The following CSMD1 variants were observed in gnomAD, a reference collection of about 807,000 sequenced individuals.
CSMD1 encodes the protein CUB and sushi domain-containing protein 1.
Under a neutral mutation model 417.5 loss-of-function variants are expected in CSMD1, and 213 were observed. The observed-to-expected ratio is 0.51, with a 90% CI of 0.46 to 0.57. The LOEUF is 0.57. Ranked by LOEUF, CSMD1 falls within the 20% of genes least tolerant of loss-of-function variation. The pLI is 0.00. For missense variants in CSMD1, 6,923 were observed against 4,529.7 expected (o/e 1.53, Z -15.17); for synonymous variants, 2,862 against 1,736.8 (o/e 1.65, Z -16.11).
At chr8:4,846,557 C>T (rs73659211) in intron 1 of CSMD1, among the ~76,000 whole-genome samples, 12,349 of 152,202 alleles carry the variant, frequency 0.081, 725 homozygotes, top group African/African-American at 0.16. Flanking sequence ...TAAGATTCTG[C>T]TTTAAACTCA....
intron 3 of CSMD1, among the ~76,000 whole-genome samples, chr8:4,091,410 TTTTC>T (rs1332665084): frequency 6.6e-6 from 1 of 152,184 alleles, no homozygotes; most frequent in Non-Finnish European, 1.5e-5. Flanking sequence ...AAGTTATCAA[TTTTC>T]TTTTACTCAA....
intron 5 of CSMD1, among the ~76,000 whole-genome samples, chr8:3,973,695 A>T (rs6558830): frequency 0.33 from 50,702 of 152,018 alleles, 9,336 homozygotes; most frequent in African/African-American, 0.48. Context: ...AGAGGTGTGA[A>T]TGCAAGACCT....
chr8:3,417,700 C>T (rs553885437), intron 12 of CSMD1, among the ~76,000 whole-genome samples: 16 of 152,300 alleles, frequency 1.1e-4, no homozygotes, highest in African/African-American at 3.4e-4. Flanking sequence ...ACTGACCACA[C>T]TGTGCCTGCT....
Position 3,997,992 on chromosome 8 carries a change from C to T in CSMD1, c.729G>A (p.Gly243=), listed in dbSNP as rs774903756. 3.1e-6 allele frequency: 5 copies of T among 1,610,274 alleles called. No individual in the cohort carries two copies. The highest frequency in any genetic ancestry group is 1.1e-5 in the South Asian group (1 of 90,060). Residue 243 remains glycine (G), a synonymous_variant, in exon 5 of 70, where the codon GGG becomes GGA. Transcript: ENST00000635120. ...CAGTGAAGACCAGCGCAATGGTGTC[C>T]CCGGGCTCAGCCAGAATGGTCCAGG... The part of the protein sequence containing the change: ...DCTWTILAEP[G]DTIALVFTDF...
intron 5 of CSMD1, among the ~76,000 whole-genome samples, chr8:3,800,761 T>C (rs893578588): frequency 6.6e-6 from 1 of 152,102 alleles, no homozygotes; most frequent in Non-Finnish European, 1.5e-5. Flanking sequence ...TAGTTTGTTT[T>C]TAAGCAAATT....
In CSMD1 at chr8:4,596,786, CT is replaced by C. The variant is rs1253926584; in HGVS notation, c.302+40555del. On this transcript the variant is annotated intron_variant, in intron 2 of 69. Transcript: ENST00000635120. ...TGGCTGTATCCCCACCAAATCTCAA[CT>C]TGAATTCTATCTACCAGAATACCCA... 4.1e-4 allele frequency among the ~76,000 whole-genome samples: 62 copies of C among 152,308 alleles called. No homozygotes were observed. The East Asian group carries it at 0.01, about 25-fold the overall frequency.
intron 3 of CSMD1, among the ~76,000 whole-genome samples, chr8:4,355,012 C>T (rs1407935564): frequency 6.6e-6 from 1 of 151,812 alleles, no homozygotes; most frequent in Non-Finnish European, 1.5e-5. Flanking sequence ...CCTGTAATCC[C>T]AGCACTTTGG....
intron 23 of CSMD1, among the ~76,000 whole-genome samples, chr8:3,341,922 A>G (rs760387274): frequency 8.5e-5 from 13 of 152,198 alleles, no homozygotes; most frequent in Non-Finnish European, 1.8e-4. Flanking sequence ...GAGAAGTGGA[A>G]AAAACAATCA....
At chr8:4,891,916 G>A (rs185113712) in intron 1 of CSMD1, among the ~76,000 whole-genome samples, 1 of 152,074 alleles carries the variant, frequency 6.6e-6, no homozygotes, top group East Asian at 1.9e-4. Flanking sequence ...ACAAACAGAT[G>A]GTAGGTTATC....
chr8:4,853,413 A>G (rs112283001), intron 1 of CSMD1, among the ~76,000 whole-genome samples: 6 of 152,234 alleles, frequency 3.9e-5, no homozygotes, highest in African/African-American at 1.4e-4. Context: ...TTGCTGCTTC[A>G]GAGGGTGCAA....
At chr8:3,714,213 G>C (rs1025549734) in intron 6 of CSMD1, among the ~76,000 whole-genome samples, 15 of 150,304 alleles carry the variant, frequency 1.0e-4, no homozygotes, top group African/African-American at 3.7e-4. Flanking sequence ...ACATATAAAT[G>C]AATCTATTAA....
intron 5 of CSMD1, among the ~76,000 whole-genome samples, chr8:3,771,704 G>A (rs1217868782): frequency 1.3e-5 from 2 of 152,124 alleles, no homozygotes; most frequent in South Asian, 2.1e-4. Context: ...AGACCTCGAG[G>A]TAAAAGCAGA....
chr8:3,604,342 G>A (rs570334921), intron 8 of CSMD1, among the ~76,000 whole-genome samples: 6 of 152,282 alleles, frequency 3.9e-5, no homozygotes, highest in Admixed American at 2.0e-4. Context: ...TGGCCAGGAA[G>A]TAGCACGGAA....
At chr8:3,420,095 T>A (rs1206897000) in intron 12 of CSMD1, among the ~76,000 whole-genome samples, 1 of 152,168 alleles carries the variant, frequency 6.6e-6, no homozygotes, top group Non-Finnish European at 1.5e-5. Flanking sequence ...ACATCATCAT[T>A]GATATTACTT....
At chr8:3,749,407 T>C (rs1211360442) in intron 6 of CSMD1, among the ~76,000 whole-genome samples, 1 of 152,228 alleles carries the variant, frequency 6.6e-6, no homozygotes, top group East Asian at 1.9e-4. Context: ...ACAGTTTTAC[T>C]TGTCAAGCAA....
intron 10 of CSMD1, among the ~76,000 whole-genome samples, chr8:3,565,590 C>T (rs1240405628): frequency 6.6e-6 from 1 of 152,188 alleles, no homozygotes; most frequent in Non-Finnish European, 1.5e-5. Context: ...TTCTTCATCT[C>T]TCTGAATTTG....
In CSMD1 at chr8:4,349,820, CTTTT is replaced by C. The variant is rs35007995; in HGVS notation, c.415+70129_415+70132del. 4.2e-4 allele frequency among the ~76,000 whole-genome samples: 58 copies of C among 139,438 alleles called. 1 individual carries two copies. Among genetic ancestry groups the C allele is most frequent in the East Asian group, 3.4e-3 (16 of 4,752 alleles). The allele number at this position is 139,438 out of a possible 152,430, so 91.5% of individuals were successfully genotyped here. ...GCTTAAAATTAAAATATGATATGAC[CTTTT>C]TTTTTTTTTTTTAAGTTTAGGTTAC... On this transcript the variant is annotated intron_variant, in intron 3 of 69. Coordinates refer to ENST00000635120, the MANE Select transcript of CSMD1 (RefSeq NM_033225.6).
chr8:3,437,674 T>G (rs1265432999), intron 12 of CSMD1, among the ~76,000 whole-genome samples: 2 of 152,190 alleles, frequency 1.3e-5, no homozygotes, highest in African/African-American at 4.8e-5. Flanking sequence ...ATGTTTTCCC[T>G]TTCTAATCAC....
chr8:3,289,751 A>C lies in CSMD1; in HGVS notation c.3951-5405T>G, dbSNP rs1387425583. Among the ~76,000 whole-genome samples the C allele has an allele frequency of 2.0e-5, 3 of 147,100 alleles. No homozygotes were observed. In the East Asian group the frequency reaches 5.9e-4, roughly 29 times the overall value. On this transcript the variant is annotated intron_variant, in intron 25 of 69. Transcript: ENST00000635120. ...GCCCTTTGTCAGATGAGGAGGTTGCAATAATTTTCTCCCATTCTGTAGGTT... is the reference window on the plus strand; with the variant it reads ...GCCCTTTGTCAGATGAGGAGGTTGCCATAATTTTCTCCCATTCTGTAGGTT...
Sources: gnomAD v4.1 joint callset for allele counts (sites outside exome capture counted in the v4.1 genomes callset) on GRCh38, gnomAD v4.1.1 for gene constraint, MANE v1.5 for transcripts, NCBI Gene and HGNC (gene_info 2026-07-23, HGNC 2026-07-21) for gene names.